Variants in CACNA2D4 observed in about 807,000 individuals in gnomAD.
The protein encoded by CACNA2D4 is calcium voltage-gated channel auxiliary subunit alpha2delta 4, also known as voltage-dependent calcium channel subunit alpha-2/delta-4.
CACNA2D4 carries 157 observed loss-of-function variants against 163.8 expected under a neutral mutation model. The ratio of observed to expected loss-of-function variants is 0.96; its 90% CI spans 0.84 to 1.09. CACNA2D4 has a LOEUF of 1.09. Ranked by LOEUF, CACNA2D4 falls within the 50% of genes least tolerant of loss-of-function variation. The pLI is 0.00. For synonymous variants in CACNA2D4, 598 were observed against 586.9 expected (o/e 1.02, Z -0.27); for missense variants, 1,410 against 1,479.9 (o/e 0.95, Z 0.78).
intron 4 of CACNA2D4, among the ~76,000 whole-genome samples, chr12:1,908,687 T>A (rs112165386): frequency 7.4e-6 from 1 of 134,796 alleles, no homozygotes; most frequent in African/African-American, 2.8e-5. Flanking sequence ...CACGCCGGAC[T>A]GCGTCACGGA....
chr12:1,912,635 CCTT>C (rs1458025661), intron 3 of CACNA2D4, among the ~76,000 whole-genome samples: 1 of 152,338 alleles, frequency 6.6e-6, no homozygotes, highest in South Asian at 2.1e-4. Flanking sequence ...CTCCCACCCT[CCTT>C]CTGCTCCTCT....
chr12:1,830,865 G>C (rs1316067362), intron 26 of CACNA2D4: 3 of 1,291,388 alleles, frequency 2.3e-6, no homozygotes, highest in Non-Finnish European at 3.2e-6. Flanking sequence ...AGCTAGAAAG[G>C]AGGGAAGAGA....
chr12:1,845,250 C>T (rs947061303), intron 24 of CACNA2D4, among the ~76,000 whole-genome samples: 4 of 151,968 alleles, frequency 2.6e-5, no homozygotes, highest in East Asian at 3.9e-4. Context: ...TGGGAGTGCT[C>T]GCAGGAGGCA....
intron 6 of CACNA2D4, among the ~76,000 whole-genome samples, chr12:1,899,657 C>A (rs1269737749): frequency 2.0e-5 from 3 of 152,056 alleles, no homozygotes; most frequent in Non-Finnish European, 2.9e-5. Context: ...CATAAGAAAA[C>A]ATCAGGCCTA....
chr12:1,834,146 T>C lies in CACNA2D4; in HGVS notation c.2551+6593A>G. The C allele has an allele frequency of 8.8e-7, 1 of 1,139,916 alleles. No individual in the cohort carries two copies. Among genetic ancestry groups the C allele is most frequent in the Non-Finnish European group, 1.2e-6 (1 of 830,474 alleles). 70.6% of individuals were successfully genotyped at this position (1,139,916 alleles called of 1,614,324 possible). A position where few individuals can be genotyped will look rare whatever the true frequency, so the allele number is the denominator to read the frequency against. ...TCTTCTATAGATGGTGATTCCAGGA[T>C]TGACTACATTGCTGATAAAAACTAC... On this transcript the variant is annotated intron_variant, in intron 26 of 37. Coordinates refer to ENST00000382722, the MANE Select transcript of CACNA2D4 (RefSeq NM_172364.5). The surrounding 1 kb of genome is among the most constrained non-coding windows in gnomAD (Gnocchi z 7.6).
At chr12:1,912,102 C>T (rs965795784) in intron 3 of CACNA2D4, among the ~76,000 whole-genome samples, 1 of 152,200 alleles carries the variant, frequency 6.6e-6, no homozygotes, top group African/African-American at 2.4e-5. Context: ...TGGGGGTACA[C>T]TGACAGTACA....
At position 1,878,971 on chromosome 12, in the gene CACNA2D4, C is replaced by T. The variant is rs1035699782; in HGVS notation, c.1629G>A (p.Leu543=). Residue 543 remains leucine, a synonymous_variant, in exon 15 of 38, where the codon CTG becomes CTA. Transcript: ENST00000382722. The surrounding 1 kb of genome is among the most constrained non-coding windows in gnomAD (Gnocchi z 4.6). ...SDVALRELMK[L]APRYKLGVHG... Reference sequence around the variant, plus strand: ...CCAGGCTCACCTTGTACCGGGGCGCCAGCTTCATCAGCTCTCTCAGGGCCA... The same window carrying T: ...CCAGGCTCACCTTGTACCGGGGCGCTAGCTTCATCAGCTCTCTCAGGGCCA... The T allele has an allele frequency of 6.2e-6, 10 of 1,613,852 alleles. No homozygotes were observed. Among genetic ancestry groups the T allele is most frequent in the Non-Finnish European group, 7.6e-6 (9 of 1,179,828 alleles).
Position 1,801,451 on chromosome 12 carries a change from G to T in CACNA2D4, c.2792+123C>A, listed in dbSNP as rs1473902738. The T allele has an allele frequency of 3.6e-6, 3 of 837,780 alleles. No homozygotes were observed. The East Asian group carries it at 7.9e-5, about 22-fold the overall frequency. The allele number at this position is 837,780 out of a possible 1,614,324, so 51.9% of individuals were successfully genotyped here. A position where few individuals can be genotyped will look rare whatever the true frequency, so the allele number is the denominator to read the frequency against. Reference sequence around the variant, plus strand: ...TGGCTCCATAAAGGTTGCTTTTGCAGCTCTTTGGGGGCACCCACTGTGGGT... The same window carrying T: ...TGGCTCCATAAAGGTTGCTTTTGCATCTCTTTGGGGGCACCCACTGTGGGT... On this transcript the variant is annotated intron_variant, in intron 30 of 37. Coordinates refer to ENST00000382722, the MANE Select transcript of CACNA2D4 (RefSeq NM_172364.5).
Position 1,883,463 on chromosome 12 carries a change from G to A in CACNA2D4, c.1352-463C>T, listed in dbSNP as rs1866054602. The stretch of plus-strand genomic sequence containing the variant: ...TGGTCCTTGTTCTTGCTCAGGTTGT[G>A]GGGTGGGTGTTACAGCCTATTCCCT... On this transcript the variant is annotated intron_variant, in intron 12 of 37. Coordinates refer to ENST00000382722, the MANE Select transcript of CACNA2D4 (RefSeq NM_172364.5). The surrounding 1 kb of genome is among the most constrained non-coding windows in gnomAD (Gnocchi z 4.5). Among the ~76,000 whole-genome samples the A allele has an allele frequency of 6.6e-6, 1 of 152,180 alleles. No individual in the cohort carries two copies. Among genetic ancestry groups the A allele is most frequent in the South Asian group, 2.1e-4 (1 of 4,826 alleles).
At chr12:1,817,493 C>T (rs535457468) in intron 26 of CACNA2D4, among the ~76,000 whole-genome samples, 1 of 152,298 alleles carries the variant, frequency 6.6e-6, no homozygotes, top group Non-Finnish European at 1.5e-5. Context: ...TCCCCACGGT[C>T]TCCCTCTCCC....
chr12:1,911,076 T>A (rs1417496533), intron 3 of CACNA2D4, among the ~76,000 whole-genome samples: 3 of 143,974 alleles, frequency 2.1e-5, no homozygotes, highest in Non-Finnish European at 4.5e-5. Flanking sequence ...CAGGCTGGAG[T>A]GTGGTGGTGC....
In CACNA2D4 at chr12:1,806,500, TTGTC is replaced by T. The variant is rs574924386; in HGVS notation, c.2721+3774_2721+3777del. Among the ~76,000 whole-genome samples the T allele has an allele frequency of 7.2e-5, 11 of 152,142 alleles. No individual in the cohort carries two copies. Among genetic ancestry groups the T allele is most frequent in the Non-Finnish European group, 1.2e-4 (8 of 68,010 alleles). On this transcript the variant is annotated intron_variant, in intron 29 of 37. Coordinates refer to ENST00000382722, the MANE Select transcript of CACNA2D4 (RefSeq NM_172364.5). The surrounding 1 kb of genome is among the most constrained non-coding windows in gnomAD (Gnocchi z 4.1). Reference sequence around the variant, plus strand: ...ACGGGGAGGAGGGTGTGCAAGGACTTTGTCTGGGAAGAATCTTTGCATCTGTAGC... The same window carrying T: ...ACGGGGAGGAGGGTGTGCAAGGACTTTGGGAAGAATCTTTGCATCTGTAGC...
intron 6 of CACNA2D4, among the ~76,000 whole-genome samples, chr12:1,887,626 A>G (rs192386331): frequency 6.6e-6 from 1 of 152,336 alleles, no homozygotes; most frequent in African/African-American, 2.4e-5. Flanking sequence ...GGACAAATGA[A>G]TGGATATGAA....
chr12:1,864,858 G>T (rs924755404), intron 18 of CACNA2D4, among the ~76,000 whole-genome samples: 1 of 152,236 alleles, frequency 6.6e-6, no homozygotes, highest in East Asian at 1.9e-4. Context: ...AGCTTTAAAA[G>T]TGGGGTCTCT....
At position 1,843,690 on chromosome 12, in the gene CACNA2D4, C is replaced by T. The variant is rs762920714; in HGVS notation, c.2470+712G>A. On this transcript the variant is annotated intron_variant, in intron 25 of 37. Coordinates refer to ENST00000382722, the MANE Select transcript of CACNA2D4 (RefSeq NM_172364.5). This position sits in a 1 kb window ranked among gnomAD's most constrained non-coding sequence, Gnocchi z 4.6. ...CACTGAAGCCTCTGCAGGATTTTTCCGGTGCTCTGTTAGAGTCACTTAATT... is the reference window on the plus strand; with the variant it reads ...CACTGAAGCCTCTGCAGGATTTTTCTGGTGCTCTGTTAGAGTCACTTAATT... Among the ~76,000 whole-genome samples the T allele has an allele frequency of 2.6e-5, 4 of 152,220 alleles. No homozygotes were observed. The highest frequency in any genetic ancestry group is 9.6e-5 in the African/African-American group (4 of 41,462).
In CACNA2D4 at chr12:1,807,933, C is replaced by T. The variant is rs117611152; in HGVS notation, c.2721+2345G>A. ...TTGGGATGGCATATAAAACTACACA[C>T]GGGGTAAAAAGGTAATAGAATCATT... is the stretch of plus-strand genomic sequence containing the variant. On this transcript the variant is annotated intron_variant, in intron 29 of 37. Transcript: ENST00000382722. Among the ~76,000 whole-genome samples, 445 of 152,160 alleles carry T rather than the reference C, an allele frequency of 2.9e-3. 3 individuals are homozygous for T. The highest frequency in any genetic ancestry group is 4.2e-3 in the Non-Finnish European group (286 of 68,008).
chr12:1,828,110 C>T lies in CACNA2D4; in HGVS notation c.2551+12629G>A, dbSNP rs1329642066. 2 of 1,498,252 alleles carry T rather than the reference C, an allele frequency of 1.3e-6. No homozygotes were observed. Among genetic ancestry groups the T allele is most frequent in the South Asian group, 2.6e-5 (2 of 77,362 alleles). 92.8% of individuals were successfully genotyped at this position (1,498,252 alleles called of 1,614,324 possible). On this transcript the variant is annotated intron_variant, in intron 26 of 37. Transcript: ENST00000382722. The surrounding 1 kb of genome is among the most constrained non-coding windows in gnomAD (Gnocchi z 4.2). ...GCGGCGCACCCAGGGGCTCCTCTCT[C>T]CCCAGAGCGACAGGGCCCGGAGAGC...
chr12:1,901,527 G>A (rs890412525), intron 6 of CACNA2D4, among the ~76,000 whole-genome samples: 19 of 151,946 alleles, frequency 1.3e-4, no homozygotes, highest in African/African-American at 4.1e-4. Flanking sequence ...TGACACCACA[G>A]AAATTCAAAG....
chr12:1,828,835 T>G lies in CACNA2D4; in HGVS notation c.2551+11904A>C, dbSNP rs937883474. Among the ~76,000 whole-genome samples the G allele has an allele frequency of 6.6e-6, 1 of 152,106 alleles. No homozygotes were observed. The highest frequency in any genetic ancestry group is 1.5e-5 in the Non-Finnish European group (1 of 68,020). On this transcript the variant is annotated intron_variant, in intron 26 of 37. Transcript: ENST00000382722. This position sits in a 1 kb window ranked among gnomAD's most constrained non-coding sequence, Gnocchi z 4.2. ...TACCAAAAAGGGGAGGAAGCGTGAA[T>G]GAAGGCAACACTTGGCAGCTGTCAG...
Sources: allele counts gnomAD v4.1 joint callset (sites outside exome capture counted in the v4.1 genomes callset), GRCh38; gene constraint gnomAD v4.1.1; non-coding constraint Gnocchi (gnomAD v3.1); transcripts MANE v1.5; gene names NCBI Gene and HGNC (gene_info 2026-07-23, HGNC 2026-07-21).